WDFY2: variants seen among roughly 807,000 people sequenced by gnomAD.
The protein encoded by WDFY2 is WD repeat and FYVE domain containing 2, also known as WD repeat and FYVE domain-containing protein 2.
In WDFY2, 36 loss-of-function variants were observed where a neutral mutation model predicts 56.4. That is an observed-to-expected ratio of 0.64 (90% CI 0.49 to 0.84). WDFY2 has a LOEUF of 0.84. WDFY2 is among the 40% of genes least tolerant of loss of function. The pLI, the probability that WDFY2 is intolerant of heterozygous loss-of-function variation, is 0.00. For missense variants in WDFY2, 444 were observed against 512.2 expected, an observed-to-expected ratio of 0.87 and a Z score of 1.29; for synonymous variants, 176 against 183.7, an observed-to-expected ratio of 0.96 and a Z score of 0.34.
intron 8 of WDFY2, among the ~76,000 whole-genome samples, chr13:51,753,705 T>A (rs1953290343): frequency 6.6e-6 from 1 of 152,046 alleles, no homozygotes; most frequent in African/African-American, 2.4e-5. Context: ...CCCACTGTGA[T>A]GTGTTTGATG....
intron 7 of WDFY2, among the ~76,000 whole-genome samples, chr13:51,742,450 G>T (rs1235716224): frequency 6.7e-6 from 1 of 150,122 alleles, no homozygotes; most frequent in African/African-American, 2.4e-5. Context: ...AAAAAAAAAA[G>T]GTTCCAGATT....
At chr13:51,609,752 A>C (rs1460547287) in intron 1 of WDFY2, among the ~76,000 whole-genome samples, 5 of 152,124 alleles carry the variant, frequency 3.3e-5, no homozygotes, top group Admixed American at 2.6e-4. Flanking sequence ...ATTCAGTGTG[A>C]GAGATTGCCT....
rs941480091 is a variant in WDFY2, at chr13:51,685,498, A to T, written c.279+10255A>T. Reference sequence around the variant, plus strand: ...TCGAGTAACACATACTTTGTATGTTATATTTATTATATACTATAGTCTTAC... The same window carrying T: ...TCGAGTAACACATACTTTGTATGTTTTATTTATTATATACTATAGTCTTAC... On this transcript the variant is annotated intron_variant, in intron 3 of 11. Transcript: ENST00000298125. Among the ~76,000 whole-genome samples, 5 of 152,182 alleles carry T rather than the reference A, an allele frequency of 3.3e-5. No homozygotes were observed. In the East Asian group the frequency reaches 9.6e-4, roughly 29 times the overall value.
chr13:51,719,183 T>C lies in WDFY2; in HGVS notation c.335-15T>C. 3.1e-6 allele frequency: 5 copies of C among 1,614,168 alleles called. No individual in the cohort carries two copies. The highest frequency in any genetic ancestry group is 4.2e-6 in the Non-Finnish European group (5 of 1,180,028). The stretch of plus-strand genomic sequence containing the variant: ...GGATGCTTTATAGGTTGTTTTCTTT[T>C]CTCTTGGTTTTCAGCGCATCAGAGC... On this transcript the variant is annotated splice_polypyrimidine_tract_variant and intron_variant, in intron 4 of 11. Coordinates refer to ENST00000298125, the MANE Select transcript of WDFY2 (RefSeq NM_052950.4).
chr13:51,665,932 G>A (rs536938300), intron 2 of WDFY2, among the ~76,000 whole-genome samples: 2 of 152,256 alleles, frequency 1.3e-5, no homozygotes, highest in Non-Finnish European at 1.5e-5. Flanking sequence ...CTAATGTAGC[G>A]ATGAAATGAC....
intron 3 of WDFY2, among the ~76,000 whole-genome samples, chr13:51,691,173 T>A (rs2138544670): frequency 6.6e-6 from 1 of 152,170 alleles, no homozygotes; most frequent in East Asian, 1.9e-4. Context: ...GGTAGTTTCT[T>A]TTGCTGTGCA....
intron 3 of WDFY2, among the ~76,000 whole-genome samples, chr13:51,699,433 CT>C (rs1295853003): frequency 6.6e-6 from 1 of 152,214 alleles, no homozygotes; most frequent in African/African-American, 2.4e-5. Context: ...CTTTGCTTTG[CT>C]TTACCCTCAC....
At chr13:51,754,743 T>C (rs1216411028) in intron 8 of WDFY2, among the ~76,000 whole-genome samples, 2 of 152,212 alleles carry the variant, frequency 1.3e-5, no homozygotes, top group Non-Finnish European at 2.9e-5. Flanking sequence ...TTTGCAGGAG[T>C]TGTTTGTTAC....
In WDFY2 at chr13:51,760,719, G is replaced by C. The variant is rs1230699973; in HGVS notation, c.*950G>C. The C allele has an allele frequency of 6.6e-6, 1 of 152,234 alleles. No homozygotes were observed. Among genetic ancestry groups the C allele is most frequent in the Non-Finnish European group, 1.5e-5 (1 of 68,040 alleles). 9.4% of individuals were successfully genotyped at this position (152,234 alleles called of 1,614,324 possible). On this transcript the variant is annotated 3_prime_UTR_variant, in exon 12 of 12. Coordinates refer to ENST00000298125, the MANE Select transcript of WDFY2 (RefSeq NM_052950.4). ...TTCAAAATGAAACTGTTCCACCTCG[G>C]ATCAGCAGGCATTAGCTTCTCATAA...
At chr13:51,663,067 C>G (rs115009504) in intron 2 of WDFY2, among the ~76,000 whole-genome samples, 1 of 151,928 alleles carries the variant, frequency 6.6e-6, no homozygotes, top group East Asian at 1.9e-4. Flanking sequence ...GAGGCCAAGG[C>G]GGGAGGATTT....
At chr13:51,683,397 T>C (rs1028976094) in intron 3 of WDFY2, among the ~76,000 whole-genome samples, 2 of 152,202 alleles carry the variant, frequency 1.3e-5, no homozygotes, top group Non-Finnish European at 2.9e-5. Flanking sequence ...CACAAATATT[T>C]TGCTGATTTT....
At chr13:51,608,177 A>C (rs1954419968) in intron 1 of WDFY2, among the ~76,000 whole-genome samples, 1 of 152,240 alleles carries the variant, frequency 6.6e-6, no homozygotes, top group South Asian at 2.1e-4. Flanking sequence ...TAAGCCACAA[A>C]TTTGTAATAG....
chr13:51,598,636 A>G (rs1266463724), intron 1 of WDFY2: 1 of 152,194 alleles, frequency 6.6e-6, no homozygotes, highest in East Asian at 1.9e-4. Context: ...CTGTAATAGG[A>G]CTATGTGTAC....
At chr13:51,703,548 T>C (rs754253492) in intron 3 of WDFY2, 48 bp from the exon 4 acceptor site, 3 of 1,380,024 alleles carry the variant, frequency 2.2e-6, no homozygotes, top group Non-Finnish European at 3.0e-6. Flanking sequence ...ATATAGTCAT[T>C]CACTTAAAGA....
chr13:51,716,067 G>A (rs1189130760), intron 4 of WDFY2, among the ~76,000 whole-genome samples: 1 of 152,142 alleles, frequency 6.6e-6, no homozygotes, highest in Non-Finnish European at 1.5e-5. Context: ...TGAAGTACAT[G>A]CTACAAAATG....
chr13:51,751,048 C>G (rs118016073), intron 7 of WDFY2, among the ~76,000 whole-genome samples: 3,163 of 152,262 alleles, frequency 0.021, 53 homozygotes, highest in Non-Finnish European at 0.032. Context: ...CAACAATCAG[C>G]TTTTTTCCTT....
At chr13:51,588,966 T>C (rs945620796) in intron 1 of WDFY2, 1 of 152,174 alleles carries the variant, frequency 6.6e-6, no homozygotes, top group Non-Finnish European at 1.5e-5. Context: ...GAGGGCGATA[T>C]GGGGAACTGC....
At chr13:51,728,399 T>C (rs1029152434) in intron 6 of WDFY2, among the ~76,000 whole-genome samples, 2 of 152,204 alleles carry the variant, frequency 1.3e-5, no homozygotes, top group Admixed American at 6.5e-5. Context: ...AAAGACTTGA[T>C]AGATGATAAT....
intron 1 of WDFY2, chr13:51,589,007 A>G (rs529015792): frequency 2.4e-4 from 37 of 152,294 alleles, no homozygotes; most frequent in African/African-American, 8.7e-4. Flanking sequence ...TTCAGGACCA[A>G]TTTATACAAC....
Sources: gnomAD v4.1 joint callset for allele counts (sites outside exome capture counted in the v4.1 genomes callset) on GRCh38, gnomAD v4.1.1 for gene constraint, MANE v1.5 for transcripts, NCBI Gene and HGNC (gene_info 2026-07-23, HGNC 2026-07-21) for gene names.